The following UNC13C variants were observed in gnomAD, a reference collection of about 807,000 sequenced individuals.
UNC13C encodes protein unc-13 homolog C.
Under a neutral mutation model 245.4 loss-of-function variants are expected in UNC13C, and 174 were observed. The ratio of observed to expected loss-of-function variants is 0.71; its 90% CI spans 0.63 to 0.80. The LOEUF (loss-of-function observed/expected upper bound fraction) is 0.80. Ranked by LOEUF, UNC13C falls within the 30% of genes least tolerant of loss-of-function variation. The pLI, the probability that UNC13C is intolerant of heterozygous loss-of-function variation, is 0.00. For missense variants in UNC13C, 2,829 were observed against 2,602.9 expected, an observed-to-expected ratio of 1.09 and a Z score of -1.89; for synonymous variants, 992 against 895.1, an observed-to-expected ratio of 1.11 and a Z score of -1.93.
At position 54,052,761 on chromosome 15, in the gene UNC13C, A is replaced by G. The variant is rs575002629; in HGVS notation, c.2983+36875A>G. 2.6e-5 allele frequency among the ~76,000 whole-genome samples: 4 copies of G among 152,188 alleles called. No individual in the cohort carries two copies. In the South Asian group the frequency reaches 8.3e-4, roughly 32 times the overall value. ...AAGGTTGTGCTTTAATCATTTATGT[A>G]TTTATTTAGTTAGTTAGTTTGCTTT... On this transcript the variant is annotated intron_variant, in intron 2 of 32. Transcript: ENST00000260323.
intron 31 of UNC13C, among the ~76,000 whole-genome samples, chr15:54,623,340 TTAAAAAAA>T (rs1423842870): frequency 2.6e-5 from 4 of 152,222 alleles, no homozygotes; most frequent in Non-Finnish European, 4.4e-5. Flanking sequence ...CATGATAGAC[TTAAAAAAA>T]TAAAGCTATT....
chr15:54,216,849 A>G (rs1003358039), intron 4 of UNC13C, among the ~76,000 whole-genome samples: 1 of 152,004 alleles, frequency 6.6e-6, no homozygotes, highest in East Asian at 1.9e-4. Flanking sequence ...TCTGAACTTA[A>G]GCCAGTTACA....
chr15:54,025,124 G>A (rs1157121626), intron 2 of UNC13C, among the ~76,000 whole-genome samples: 1 of 152,088 alleles, frequency 6.6e-6, no homozygotes, highest in African/African-American at 2.4e-5. Flanking sequence ...AAGATATATT[G>A]AGCAATGTCA....
chr15:54,314,384 T>G lies in UNC13C; in HGVS notation c.4269-7555T>G, dbSNP rs1316829178. Among the ~76,000 whole-genome samples, 7 of 151,778 alleles carry G rather than the reference T, an allele frequency of 4.6e-5. 1 individual carries two copies. The highest frequency in any genetic ancestry group is 4.6e-4 in the Admixed American group (7 of 15,194). ...CAGCCATTCCATATTGTATACATAT[T>G]TCAAACCAACATATTGTACATGATA... On this transcript the variant is annotated intron_variant, in intron 13 of 32. Coordinates refer to ENST00000260323, the MANE Select transcript of UNC13C (RefSeq NM_001080534.3).
chr15:54,333,761 A>T lies in UNC13C; in HGVS notation c.4495-6A>T, dbSNP rs756599135. 2 of 1,591,340 alleles carry T rather than the reference A, an allele frequency of 1.3e-6. No homozygotes were observed. Among genetic ancestry groups the T allele is most frequent in the Non-Finnish European group, 1.7e-6 (2 of 1,166,482 alleles). On this transcript the variant is annotated splice_region_variant and splice_polypyrimidine_tract_variant and intron_variant, in intron 15 of 32. Transcript: ENST00000260323. ...ACCTTATCCATTTTGTTTCCTAATT[A>T]ACCAGGAAAACTTTCCTGCAAGCAA... is the stretch of plus-strand genomic sequence containing the variant.
intron 30 of UNC13C, among the ~76,000 whole-genome samples, chr15:54,602,206 G>A (rs1899475472): frequency 6.6e-6 from 1 of 152,182 alleles, no homozygotes; most frequent in Non-Finnish European, 1.5e-5. Flanking sequence ...TGTGCAGCCT[G>A]GAGGTAGAAG....
chr15:54,446,032 C>A (rs1490771827), intron 19 of UNC13C, among the ~76,000 whole-genome samples: 1 of 152,154 alleles, frequency 6.6e-6, no homozygotes, highest in Non-Finnish European at 1.5e-5. Flanking sequence ...TTTCCCAGCA[C>A]CGTTTGTTGA....
the UNC13C span, among the ~76,000 whole-genome samples, chr15:53,873,911 C>CCTTCCTTT: frequency 1.4e-4 from 3 of 21,348 alleles, no homozygotes; most frequent in African/African-American, 3.3e-4. Context: ...TTCCTTCCTT[C>CCTTCCTTT]CTTCCTTCCT....
At chr15:54,191,844 A>G (rs562112814) in intron 4 of UNC13C, among the ~76,000 whole-genome samples, 14 of 152,208 alleles carry the variant, frequency 9.2e-5, no homozygotes, top group African/African-American at 3.4e-4. Context: ...GGCTGCATAA[A>G]TGTCTTCTTT....
chr15:54,159,358 A>G (rs2032881272), intron 4 of UNC13C, among the ~76,000 whole-genome samples: 1 of 152,228 alleles, frequency 6.6e-6, no homozygotes. Flanking sequence ...AGGAAAACTA[A>G]AGGAAGAAGA....
chr15:54,169,925 C>T (rs555201151), intron 4 of UNC13C, among the ~76,000 whole-genome samples: 20 of 151,742 alleles, frequency 1.3e-4, no homozygotes, highest in African/African-American at 4.3e-4. Flanking sequence ...TGTGATAATG[C>T]ATTTGATATC....
Position 54,620,563 on chromosome 15 carries a change from C to T in UNC13C, c.6107-1764C>T, listed in dbSNP as rs16974984. 5.6e-3 allele frequency among the ~76,000 whole-genome samples: 854 copies of T among 152,200 alleles called. 9 individuals are homozygous for T. Among genetic ancestry groups the T allele is most frequent in the African/African-American group, 0.02 (815 of 41,540 alleles). ...ATTACTCATTTCTTAAAGTTTCATT[C>T]TGCTCACATTAAAGCTTTGGCTCTA... On this transcript the variant is annotated intron_variant, in intron 30 of 32. Transcript: ENST00000260323.
At chr15:54,505,537 C>T (rs966378556) in intron 22 of UNC13C, among the ~76,000 whole-genome samples, 22 of 152,096 alleles carry the variant, frequency 1.4e-4, no homozygotes, top group African/African-American at 4.8e-4. Flanking sequence ...ATGAGTTAAG[C>T]ATGTCATAAG....
At chr15:54,395,858 A>C (rs1182864940) in intron 18 of UNC13C, among the ~76,000 whole-genome samples, 1 of 151,758 alleles carries the variant, frequency 6.6e-6, no homozygotes, top group African/African-American at 2.4e-5. Context: ...TGAATTAATA[A>C]ATTAAAGTAA....
intron 19 of UNC13C, among the ~76,000 whole-genome samples, chr15:54,455,681 C>G (rs1891482035): frequency 6.6e-6 from 1 of 151,766 alleles, no homozygotes; most frequent in Admixed American, 6.6e-5. Context: ...TATTCATGAA[C>G]TTAGCCTGAT....
chr15:54,182,592 CTCT>C (rs1424522523), intron 4 of UNC13C, among the ~76,000 whole-genome samples: 3 of 152,008 alleles, frequency 2.0e-5, no homozygotes, highest in African/African-American at 7.2e-5. Context: ...TTGGTACCAG[CTCT>C]TCTTTGTACA....
chr15:53,975,268 G>C (rs1163020642), upstream of UNC13C, among the ~76,000 whole-genome samples: 1 of 152,106 alleles, frequency 6.6e-6, no homozygotes, highest in Non-Finnish European at 1.5e-5. Context: ...TGCATAAGAT[G>C]GTTTATTTCC....
the UNC13C span, among the ~76,000 whole-genome samples, chr15:53,906,438 C>T: frequency 1.3e-5 from 2 of 152,354 alleles, no homozygotes; most frequent in African/African-American, 4.8e-5. Context: ...TGACACTCAG[C>T]ATCCACTTTA....
At chr15:53,940,297 G>C in the UNC13C span, among the ~76,000 whole-genome samples, 2 of 152,118 alleles carry the variant, frequency 1.3e-5, no homozygotes, top group South Asian at 4.1e-4. Context: ...GAATGAACTA[G>C]GTATTAAAGG....
Sources: gnomAD v4.1 joint callset for allele counts (sites outside exome capture counted in the v4.1 genomes callset) on GRCh38, gnomAD v4.1.1 for gene constraint, MANE v1.5 for transcripts, NCBI Gene and HGNC (gene_info 2026-07-23, HGNC 2026-07-21) for gene names.